HM13: variants seen among roughly 807,000 people sequenced by gnomAD.
HM13 encodes histocompatibility minor 13, also known as signal peptide peptidase.
HM13 carries 18 observed loss-of-function variants against 50.0 expected under a neutral mutation model. That is an observed-to-expected ratio of 0.36 (90% CI 0.25 to 0.53). The LOEUF is 0.53. HM13 is among the 20% of genes least tolerant of loss of function. HM13 has a pLI of 0.90. For missense variants in HM13, 393 were observed against 552.4 expected (o/e 0.71, Z 2.89); for synonymous variants, 197 against 232.6 (o/e 0.85, Z 1.39).
In HM13 at chr20:31,525,898, G is replaced by A. The variant is rs929614669; in HGVS notation, c.184-1586G>A. 2.6e-5 allele frequency among the ~76,000 whole-genome samples: 4 copies of A among 152,108 alleles called. No homozygotes were observed. The South Asian group carries it at 6.2e-4, about 24-fold the overall frequency. The stretch of plus-strand genomic sequence containing the variant: ...TCCAGCACTTTGTGAGGCTAAGGCG[G>A]GTAAATCACCTGAGGCCAGGAGTTT... On this transcript the variant is annotated intron_variant, in intron 1 of 12. Transcript: ENST00000398174.
intron 2 of HM13, among the ~76,000 whole-genome samples, chr20:31,537,202 C>G (rs1204484962): frequency 6.6e-6 from 1 of 152,246 alleles, no homozygotes; most frequent in Non-Finnish European, 1.5e-5. Context: ...GGGCATGTAG[C>G]ACACACATCA....
intron 8 of HM13, among the ~76,000 whole-genome samples, chr20:31,557,911 T>C (rs1191195949): frequency 6.6e-6 from 1 of 152,200 alleles, no homozygotes; most frequent in African/African-American, 2.4e-5. Context: ...TGCACCATTT[T>C]AGTCAGGCTG....
rs750252166 is a variant in HM13 at position 31,559,606 on chromosome 20, C to T, written c.809-5C>T. The T allele has an allele frequency of 6.2e-7, 1 of 1,614,012 alleles. No individual in the cohort carries two copies. The highest frequency in any genetic ancestry group is 8.5e-7 in the Non-Finnish European group (1 of 1,180,004). The stretch of plus-strand genomic sequence containing the variant: ...CCACTCTCTAACCCCAGCTTTCTCC[C>T]ACAGGGATCTTCATTGCCTTGCTGC... On this transcript the variant is annotated splice_polypyrimidine_tract_variant and splice_region_variant and intron_variant, in intron 8 of 12. Coordinates refer to ENST00000398174, the MANE Select transcript of HM13 (RefSeq NM_178581.3).
intron 12 of HM13, 164 bp downstream of exon 12, chr20:31,568,388 A>T: frequency 9.7e-7 from 1 of 1,032,088 alleles, no homozygotes; most frequent in Non-Finnish European, 1.4e-6. Flanking sequence ...ACCGAGCCAT[A>T]GGGCTGGGAA....
At chr20:31,567,953 A>G in intron 11 of HM13, 125 bp from the exon 12 acceptor site, 1 of 814,886 alleles carries the variant, frequency 1.2e-6, no homozygotes, top group South Asian at 2.2e-5. Context: ...TAAAATCTGG[A>G]AGTGCAAAAA....
intron 10 of HM13, among the ~76,000 whole-genome samples, chr20:31,564,512 G>C (rs887222843): frequency 4.6e-5 from 7 of 152,086 alleles, no homozygotes; most frequent in Admixed American, 4.6e-4. Context: ...AGGAGGTCAA[G>C]GCTACAGTGA....
At chr20:31,538,108 G>T (rs113310781) in intron 2 of HM13, 71 bp from the exon 3 acceptor site, 1 of 1,579,694 alleles carries the variant, frequency 6.3e-7, no homozygotes, top group Non-Finnish European at 8.6e-7. Context: ...CAGAAGAGAC[G>T]CAGGGACTCT....
At chr20:31,565,481 CA>C (rs549803053) in intron 10 of HM13, among the ~76,000 whole-genome samples, 296 of 90,058 alleles carry the variant, frequency 3.3e-3, no homozygotes, top group East Asian at 0.014. Flanking sequence ...GACTCTGTCT[CA>C]AAAAAAAAAA....
At chr20:31,553,055 T>A (rs1010865634) in intron 7 of HM13, among the ~76,000 whole-genome samples, 2 of 152,024 alleles carry the variant, frequency 1.3e-5, no homozygotes, top group Admixed American at 6.5e-5. Context: ...CCCAGCACTT[T>A]GGGAAGCTGA....
intron 11 of HM13, 197 bp from the exon 12 acceptor site, chr20:31,567,881 T>C (rs1985013255): frequency 1.8e-6 from 1 of 564,592 alleles, no homozygotes; most frequent in Non-Finnish European, 3.1e-6. Context: ...AGTGGCCTGA[T>C]GTGCCTTTGT....
At chr20:31,538,791 G>T in intron 3 of HM13, 1 of 376,944 alleles carries the variant, frequency 2.7e-6, no homozygotes, top group Non-Finnish European at 3.7e-6. Flanking sequence ...CCTGGTGAAT[G>T]TGGAGAAAAA....
chr20:31,554,371 C>A (rs1340756938), intron 7 of HM13, among the ~76,000 whole-genome samples: 1 of 133,476 alleles, frequency 7.5e-6, no homozygotes, highest in African/African-American at 3.8e-5. Context: ...AGAGCAAGCC[C>A]CGTCTCAAAA....
chr20:31,568,009 G>A (rs1224237253), intron 11 of HM13, 69 bp from the exon 12 acceptor site: 2 of 1,350,050 alleles, frequency 1.5e-6, no homozygotes, highest in African/African-American at 2.9e-5. Flanking sequence ...TGGAAAGGAA[G>A]TCTCTGTCCT....
chr20:31,554,666 T>C (rs1984210276), intron 7 of HM13, 80 bp from the exon 8 acceptor site: 1 of 1,184,552 alleles, frequency 8.4e-7, no homozygotes, highest in Non-Finnish European at 1.2e-6. Flanking sequence ...TGGGTGACAG[T>C]GCGAGACTCC....
chr20:31,547,497 C>A, intron 4 of HM13: 1 of 691,452 alleles, frequency 1.4e-6, no homozygotes, highest in Non-Finnish European at 2.5e-6. Context: ...CCGCTTCACC[C>A]TGGATCATGT....
At chr20:31,552,163 G>A (rs1294133984) in intron 7 of HM13, among the ~76,000 whole-genome samples, 1 of 152,178 alleles carries the variant, frequency 6.6e-6, no homozygotes, top group African/African-American at 2.4e-5. Context: ...GAGCCTGGGG[G>A]TGTGTAAGCC....
chr20:31,561,884 C>A, intron 10 of HM13, 148 bp downstream of exon 10: 1 of 674,006 alleles, frequency 1.5e-6, no homozygotes, highest in South Asian at 1.7e-5. Context: ...CTTGGCCTTC[C>A]ATTTGTGGTT....
chr20:31,514,822 C>A lies in HM13; in HGVS notation c.183+88C>A, dbSNP rs1257802714. 8.8e-7 allele frequency: 1 copy of A among 1,133,410 alleles called. No individual in the cohort carries two copies. Among genetic ancestry groups the A allele is most frequent in the Non-Finnish European group, 1.2e-6 (1 of 832,788 alleles). The allele number at this position is 1,133,410 out of a possible 1,614,324, so 70.2% of individuals were successfully genotyped here. A position where few individuals can be genotyped will look rare whatever the true frequency, so the allele number is the denominator to read the frequency against. Reference sequence around the variant, plus strand: ...CTTCCTAGGCGGGACAGACACCTCTCCCCGGACACTGACTCTTCCCAGCCC... The same window carrying A: ...CTTCCTAGGCGGGACAGACACCTCTACCCGGACACTGACTCTTCCCAGCCC... On this transcript the variant is annotated intron_variant, in intron 1 of 12. Transcript: ENST00000398174. The surrounding 1 kb of genome is among the most constrained non-coding windows in gnomAD (Gnocchi z 4.3).
intron 1 of HM13, among the ~76,000 whole-genome samples, chr20:31,520,664 A>G (rs1391438257): frequency 1.3e-5 from 2 of 152,170 alleles, no homozygotes; most frequent in African/African-American, 2.4e-5. Flanking sequence ...GAAAGAGCTC[A>G]TGGCAGGGTG....
Sources: allele counts gnomAD v4.1 joint callset (sites outside exome capture counted in the v4.1 genomes callset), GRCh38; gene constraint gnomAD v4.1.1; non-coding constraint Gnocchi (gnomAD v3.1); transcripts MANE v1.5; gene names NCBI Gene and HGNC (gene_info 2026-07-23, HGNC 2026-07-21).